The following NELL1 variants were observed in gnomAD, a reference collection of about 807,000 sequenced individuals.
NELL1 encodes the protein neural EGFL like 1.
NELL1 carries 76 observed loss-of-function variants against 107.4 expected under a neutral mutation model. The ratio of observed to expected loss-of-function variants is 0.71; its 90% CI spans 0.59 to 0.86. The LOEUF is 0.86. Ranked by LOEUF, NELL1 falls within the 40% of genes least tolerant of loss-of-function variation. The pLI is 0.00. For synonymous variants in NELL1, 353 were observed against 341.2 expected (o/e 1.03, Z -0.38); for missense variants, 1,024 against 1,005.5 (o/e 1.02, Z -0.25).
intron 15 of NELL1, among the ~76,000 whole-genome samples, chr11:21,404,004 A>AAC (rs1852162658): frequency 1.1e-4 from 3 of 28,222 alleles, no homozygotes; most frequent in Non-Finnish European, 2.6e-4. Context: ...GTCATTCCTG[A>AAC]ACCCCCCCCC....
intron 15 of NELL1, among the ~76,000 whole-genome samples, chr11:21,508,848 C>A (rs1191696086): frequency 2.0e-5 from 3 of 151,868 alleles, no homozygotes; most frequent in African/African-American, 7.3e-5. Flanking sequence ...TATCAAGCAT[C>A]ATATTTAGTT....
chr11:20,788,986 GA>G (rs767488798), intron 3 of NELL1, among the ~76,000 whole-genome samples: 2 of 152,100 alleles, frequency 1.3e-5, no homozygotes, highest in Non-Finnish European at 2.9e-5. Context: ...ACCACTTGTT[GA>G]AGACTGCTTT....
chr11:20,774,202 C>T (rs1419736709), intron 2 of NELL1, among the ~76,000 whole-genome samples: 3 of 105,696 alleles, frequency 2.8e-5, no homozygotes, highest in Non-Finnish European at 5.9e-5. Context: ...CCATCCAGTC[C>T]ACTTACTTTC....
At chr11:21,062,697 C>G (rs1041273108) in intron 12 of NELL1, among the ~76,000 whole-genome samples, 6 of 152,192 alleles carry the variant, frequency 3.9e-5, no homozygotes, top group Non-Finnish European at 1.5e-5. Context: ...TTCATACTAA[C>G]TGACTATAAA....
At chr11:20,923,886 A>G (rs1287167408) in intron 7 of NELL1, among the ~76,000 whole-genome samples, 1 of 152,168 alleles carries the variant, frequency 6.6e-6, no homozygotes, top group Non-Finnish European at 1.5e-5. Context: ...TGCCAAGTAA[A>G]TGGTATTTCA....
At chr11:20,998,300 A>G (rs1461096109) in intron 12 of NELL1, among the ~76,000 whole-genome samples, 1 of 152,326 alleles carries the variant, frequency 6.6e-6, no homozygotes, top group South Asian at 2.1e-4. Context: ...TTGATTTTCT[A>G]ACACTCCTGA....
intron 15 of NELL1, among the ~76,000 whole-genome samples, chr11:21,528,037 A>G (rs1285493198): frequency 6.6e-6 from 1 of 152,166 alleles, no homozygotes; most frequent in Non-Finnish European, 1.5e-5. Context: ...TCAAATTGAC[A>G]CTCAATATGA....
At chr11:21,273,421 G>A (rs142481548) in intron 14 of NELL1, among the ~76,000 whole-genome samples, 4,131 of 152,306 alleles carry the variant, frequency 0.027, 75 homozygotes, top group East Asian at 0.059. Flanking sequence ...CCAAATCTAC[G>A]TCTGATTGGT....
chr11:20,974,786 G>A (rs2134234341), intron 12 of NELL1, among the ~76,000 whole-genome samples: 1 of 152,182 alleles, frequency 6.6e-6, no homozygotes, highest in Non-Finnish European at 1.5e-5. Flanking sequence ...CTATTGGTCT[G>A]GGGTATAGAC....
chr11:21,542,228 A>AAC (rs1302573558), intron 16 of NELL1, among the ~76,000 whole-genome samples: 3 of 152,076 alleles, frequency 2.0e-5, no homozygotes, highest in Admixed American at 1.3e-4. Context: ...GGACGAAGAG[A>AAC]ACTTGTCCCA....
chr11:20,963,835 T>TACAC (rs756145786), intron 12 of NELL1, among the ~76,000 whole-genome samples: 4 of 152,110 alleles, frequency 2.6e-5, no homozygotes, highest in African/African-American at 9.7e-5. Flanking sequence ...AACAAAATAT[T>TACAC]ACACACATTG....
intron 13 of NELL1, among the ~76,000 whole-genome samples, chr11:21,136,273 A>G (rs1316923283): frequency 6.6e-6 from 1 of 152,190 alleles, no homozygotes; most frequent in East Asian, 1.9e-4. Flanking sequence ...GACAGAAGGC[A>G]GCCATGCCTG....
chr11:21,132,420 G>C (rs1855642002), intron 13 of NELL1, among the ~76,000 whole-genome samples: 1 of 152,106 alleles, frequency 6.6e-6, no homozygotes, highest in Non-Finnish European at 1.5e-5. Flanking sequence ...CTACTGGCTT[G>C]GATCCCACAT....
At chr11:21,211,812 A>AC (rs1857503513) in intron 13 of NELL1, among the ~76,000 whole-genome samples, 1 of 151,452 alleles carries the variant, frequency 6.6e-6, no homozygotes, top group Admixed American at 6.6e-5. Flanking sequence ...TGCTGCTTCT[A>AC]TTTTTTTTGT....
intron 15 of NELL1, among the ~76,000 whole-genome samples, chr11:21,506,624 A>G (rs186843343): frequency 6.6e-6 from 1 of 152,344 alleles, no homozygotes. Context: ...AATAAATAAG[A>G]TAACATGTGC....
chr11:21,480,921 CACA>C (rs1409228431), intron 15 of NELL1, among the ~76,000 whole-genome samples: 1 of 152,144 alleles, frequency 6.6e-6, no homozygotes, highest in Admixed American at 6.6e-5. Flanking sequence ...ATCTCTTTCT[CACA>C]ACTTCTTTTC....
intron 12 of NELL1, among the ~76,000 whole-genome samples, chr11:21,106,941 C>A (rs7124660): frequency 6.6e-6 from 1 of 152,130 alleles, no homozygotes; most frequent in African/African-American, 2.4e-5. Context: ...ACTTTCTCAT[C>A]TGAAAAAGGG....
intron 14 of NELL1, among the ~76,000 whole-genome samples, chr11:21,233,261 A>G (rs1858112348): frequency 1.3e-5 from 2 of 152,184 alleles, no homozygotes; most frequent in Non-Finnish European, 1.5e-5. Context: ...ATGTTATCTC[A>G]TTTAGTTCCC....
chr11:20,818,863 T>C (rs1276284654), intron 3 of NELL1, among the ~76,000 whole-genome samples: 1 of 152,216 alleles, frequency 6.6e-6, no homozygotes, highest in Non-Finnish European at 1.5e-5. Context: ...CTTCAAATCA[T>C]GTCATAAAGT....
Sources: gnomAD v4.1 joint callset for allele counts (sites outside exome capture counted in the v4.1 genomes callset) on GRCh38, gnomAD v4.1.1 for gene constraint, MANE v1.5 for transcripts, NCBI Gene and HGNC (gene_info 2026-07-23, HGNC 2026-07-21) for gene names.